TBL1XR1: variants seen among roughly 807,000 people sequenced by gnomAD.
The protein encoded by TBL1XR1 is TBL1X/Y related 1, also known as F-box-like/WD repeat-containing protein TBL1XR1.
Under a neutral mutation model 66.9 loss-of-function variants are expected in TBL1XR1, and 5 were observed. The ratio of observed to expected loss-of-function variants is 0.07; its 90% CI spans 0.04 to 0.16. TBL1XR1 has a LOEUF of 0.16. Among genes scored for constraint, TBL1XR1 ranks in the 10% least tolerant of loss-of-function variants. The pLI is 1.00. For synonymous variants in TBL1XR1, 210 were observed against 206.0 expected (o/e 1.02, Z -0.17); for missense variants, 238 against 623.2 (o/e 0.38, Z 6.58).
At chr3:177,171,083 G>A (rs1265723985) in intron 1 of TBL1XR1, among the ~76,000 whole-genome samples, 1 of 152,030 alleles carries the variant, frequency 6.6e-6, no homozygotes, top group Non-Finnish European at 1.5e-5. Flanking sequence ...GCTCACGCCT[G>A]TAATCCCAGC....
intron 1 of TBL1XR1, among the ~76,000 whole-genome samples, chr3:177,173,101 C>T (rs879846289): frequency 6.6e-6 from 1 of 152,148 alleles, no homozygotes; most frequent in East Asian, 1.9e-4. Context: ...GCAGGAGAAT[C>T]GCTTGAACCT....
At chr3:177,158,054 G>T (rs186203611) in intron 1 of TBL1XR1, among the ~76,000 whole-genome samples, 1 of 152,000 alleles carries the variant, frequency 6.6e-6, no homozygotes, top group East Asian at 1.9e-4. Flanking sequence ...GGAAAACTGT[G>T]AGGCTATCTC....
chr3:177,037,395 A>G (rs1359294410), intron 12 of TBL1XR1: 1 of 152,172 alleles, frequency 6.6e-6, no homozygotes, highest in Non-Finnish European at 1.5e-5. Context: ...GTCACAGGGT[A>G]CAGATATTTG....
chr3:177,053,261 C>T (rs1406629229), intron 4 of TBL1XR1, among the ~76,000 whole-genome samples: 1 of 152,088 alleles, frequency 6.6e-6, no homozygotes, highest in Non-Finnish European at 1.5e-5. Flanking sequence ...TAGCCATGGA[C>T]AATATGTAAA....
intron 1 of TBL1XR1, among the ~76,000 whole-genome samples, chr3:177,165,160 C>G (rs1244970450): frequency 6.6e-6 from 1 of 151,858 alleles, no homozygotes; most frequent in Non-Finnish European, 1.5e-5. Context: ...TCTGAAAGAA[C>G]TGACAAAAAA....
intron 1 of TBL1XR1, among the ~76,000 whole-genome samples, chr3:177,163,730 C>G (rs560686327): frequency 2.0e-5 from 3 of 152,038 alleles, no homozygotes; most frequent in African/African-American, 7.2e-5. Flanking sequence ...AGGAAAGTAA[C>G]TTGGTAGGGG....
intron 1 of TBL1XR1, among the ~76,000 whole-genome samples, chr3:177,167,852 A>G (rs901823611): frequency 2.6e-5 from 4 of 152,220 alleles, no homozygotes; most frequent in Admixed American, 1.3e-4. Context: ...CTTGAACATG[A>G]GAGGTGGAGG....
At chr3:177,133,049 G>T (rs1321208083) in intron 1 of TBL1XR1, among the ~76,000 whole-genome samples, 1 of 152,164 alleles carries the variant, frequency 6.6e-6, no homozygotes, top group East Asian at 1.9e-4. Context: ...AGCACTTTCA[G>T]AAGCCAAGGC....
intron 1 of TBL1XR1, among the ~76,000 whole-genome samples, chr3:177,101,394 T>C (rs1249087160): frequency 6.6e-6 from 1 of 152,170 alleles, no homozygotes; most frequent in Non-Finnish European, 1.5e-5. Flanking sequence ...AGTGAATACA[T>C]GCTGTGTTTT....
intron 1 of TBL1XR1, among the ~76,000 whole-genome samples, chr3:177,148,841 C>A (rs987578798): frequency 6.6e-6 from 1 of 151,944 alleles, no homozygotes; most frequent in Non-Finnish European, 1.5e-5. Flanking sequence ...CCTGCCTCTA[C>A]TAAAAATGCA....
rs1410891226 is a variant in TBL1XR1, at chr3:177,197,379, G to C, written c.-380C>G. On this transcript the variant is annotated 5_prime_UTR_variant, in exon 1 of 16. Coordinates refer to ENST00000457928, the MANE Select transcript of TBL1XR1 (RefSeq NM_024665.7). ...CGGGGGGAGGGGCGGGGGCGCACGC[G>C]GCCGGCGGCGGGGGGAGGCGGCGCG... 8 of 145,992 alleles carry C rather than the reference G, an allele frequency of 5.5e-5. No individual in the cohort carries two copies. In the East Asian group the frequency reaches 1.2e-3, roughly 22 times the overall value. 9.0% of individuals were successfully genotyped at this position (145,992 alleles called of 1,614,324 possible). A position where few individuals can be genotyped will look rare whatever the true frequency, so the allele number is the denominator to read the frequency against.
At chr3:177,190,402 G>A (rs1405356493) in intron 1 of TBL1XR1, among the ~76,000 whole-genome samples, 3 of 152,042 alleles carry the variant, frequency 2.0e-5, no homozygotes, top group Non-Finnish European at 4.4e-5. Flanking sequence ...TGCAGCCTCC[G>A]CCTCCCGGGT....
chr3:177,169,338 A>G (rs1733193736), intron 1 of TBL1XR1, among the ~76,000 whole-genome samples: 2 of 152,200 alleles, frequency 1.3e-5, no homozygotes, highest in South Asian at 4.1e-4. Context: ...TTTTACAATT[A>G]TCTCTCTTTT....
At chr3:177,034,600 T>C (rs755771580) in intron 12 of TBL1XR1, among the ~76,000 whole-genome samples, 3 of 152,084 alleles carry the variant, frequency 2.0e-5, no homozygotes, top group Non-Finnish European at 4.4e-5. Flanking sequence ...CTGAGATTAG[T>C]TAACGATCCT....
At chr3:177,200,055 C>G (rs1338376932), upstream of TBL1XR1, among the ~76,000 whole-genome samples, 1 of 152,236 alleles carries the variant, frequency 6.6e-6, no homozygotes, top group South Asian at 2.1e-4. Flanking sequence ...TCACTGCAAC[C>G]TCTGCCTCCC....
At chr3:177,146,016 G>A (rs1730194556) in intron 1 of TBL1XR1, among the ~76,000 whole-genome samples, 1 of 152,204 alleles carries the variant, frequency 6.6e-6, no homozygotes, top group African/African-American at 2.4e-5. Flanking sequence ...ATTCCTAGCA[G>A]GTACCTACTT....
At chr3:177,153,550 A>G (rs1031459831) in intron 1 of TBL1XR1, among the ~76,000 whole-genome samples, 55 of 152,338 alleles carry the variant, frequency 3.6e-4, no homozygotes, top group African/African-American at 1.2e-3. Context: ...ATCTAACACT[A>G]TATGTGAAAT....
chr3:177,112,085 ATATATATATATATATATATATATTT>A (rs1171428517), intron 1 of TBL1XR1, among the ~76,000 whole-genome samples: 1 of 41,250 alleles, frequency 2.4e-5, no homozygotes, highest in Non-Finnish European at 4.3e-5. Flanking sequence ...ATATATATAT[ATATATATATATATATATATATATTT>A]TTTTTTTTTT....
chr3:177,067,249 T>G (rs1300139146), intron 2 of TBL1XR1, among the ~76,000 whole-genome samples: 1 of 152,240 alleles, frequency 6.6e-6, no homozygotes, highest in Non-Finnish European at 1.5e-5. Flanking sequence ...ATGAATATGT[T>G]TGTCACGGGG....
Sources: allele counts gnomAD v4.1 joint callset (sites outside exome capture counted in the v4.1 genomes callset), GRCh38; gene constraint gnomAD v4.1.1; transcripts MANE v1.5; gene names NCBI Gene and HGNC (gene_info 2026-07-23, HGNC 2026-07-21).